Variants in NDUFA3 observed in about 807,000 individuals in gnomAD.
NDUFA3 encodes NADH:ubiquinone oxidoreductase subunit A3, also known as NADH dehydrogenase [ubiquinone] 1 alpha subcomplex subunit 3.
Under a neutral mutation model 11.4 loss-of-function variants are expected in NDUFA3, and 10 were observed. The ratio of observed to expected loss-of-function variants is 0.87; its 90% CI spans 0.54 to 1.48. The LOEUF (loss-of-function observed/expected upper bound fraction) is 1.48, where lower values mean the gene tolerates loss of function less well. Among genes scored for constraint, NDUFA3 ranks in the 40% most tolerant of loss-of-function variants. The pLI, the probability that NDUFA3 is intolerant of heterozygous loss-of-function variation, is 0.00. For missense variants in NDUFA3, 115 were observed against 110.5 expected, an observed-to-expected ratio of 1.04 and a Z score of -0.18; for synonymous variants, 39 against 46.9, an observed-to-expected ratio of 0.83 and a Z score of 0.68.
chr19:54,103,471 C>T (rs1437079720), intron 2 of NDUFA3, among the ~76,000 whole-genome samples: 1 of 152,162 alleles, frequency 6.6e-6, no homozygotes, highest in Admixed American at 6.5e-5. Flanking sequence ...TCCAGATCCT[C>T]CTCCTCCTTT....
At chr19:54,104,295 G>C (rs1276337461) in intron 2 of NDUFA3, among the ~76,000 whole-genome samples, 1 of 151,544 alleles carries the variant, frequency 6.6e-6, no homozygotes, top group East Asian at 1.9e-4. Context: ...GCACCACCAC[G>C]CCCGGCTAAT....
rs1259347654 is a variant in NDUFA3, at chr19:54,107,315, C to T, written c.*413C>T. On this transcript the variant is annotated 3_prime_UTR_variant, in exon 4 of 4. Coordinates refer to ENST00000485876, the MANE Select transcript of NDUFA3 (RefSeq NM_004542.4). Reference sequence around the variant, plus strand: ...CCAGGCTGGAGTGCAGTGGTGCCATCATAGTTCACTGCAGCCTCTGCCTCC... The same window carrying T: ...CCAGGCTGGAGTGCAGTGGTGCCATTATAGTTCACTGCAGCCTCTGCCTCC... 5.6e-6 allele frequency: 6 copies of T among 1,076,692 alleles called. No homozygotes were observed. The African/African-American group carries it at 9.5e-5, about 17-fold the overall frequency. The allele number at this position is 1,076,692 out of a possible 1,614,324, so 66.7% of individuals were successfully genotyped here. A position where few individuals can be genotyped will look rare whatever the true frequency, so the allele number is the denominator to read the frequency against.
In NDUFA3 at chr19:54,107,224, T is replaced by C. The variant is rs1256685358; in HGVS notation, c.*322T>C. On this transcript the variant is annotated 3_prime_UTR_variant, in exon 4 of 4. Coordinates refer to ENST00000485876, the MANE Select transcript of NDUFA3 (RefSeq NM_004542.4). Reference sequence around the variant, plus strand: ...AGGCCTGGGAATCTAGAAAATCCCATCAGCTTCACCATTTTTGTTTTCATT... The same window carrying C: ...AGGCCTGGGAATCTAGAAAATCCCACCAGCTTCACCATTTTTGTTTTCATT... The C allele has an allele frequency of 6.3e-6, 10 of 1,580,076 alleles. 1 individual carries two copies. In the South Asian group the frequency reaches 1.1e-4, roughly 18 times the overall value.
In NDUFA3 at chr19:54,107,378, AG is replaced by A; in HGVS notation, c.*477del. The A allele has an allele frequency of 1.6e-6, 1 of 627,530 alleles. No individual in the cohort carries two copies. Among genetic ancestry groups the A allele is most frequent in the Non-Finnish European group, 2.7e-6 (1 of 372,216 alleles). The allele number at this position is 627,530 out of a possible 1,614,324, so 38.9% of individuals were successfully genotyped here. ...ATCCTCCCACCTCAGCTTCCCAAGT[AG>A]CTGGGACTACAGGCACTTGCCAACC... On this transcript the variant is annotated 3_prime_UTR_variant, in exon 4 of 4. Coordinates refer to ENST00000485876, the MANE Select transcript of NDUFA3 (RefSeq NM_004542.4).
chr19:54,107,085 G>A lies in NDUFA3; in HGVS notation c.*183G>A. ...GCTGGGCTGGCCAGGGTCGGGTAGG[G>A]CAGCAGTTTGTCTGGACCCCGAGAA... On this transcript the variant is annotated 3_prime_UTR_variant, in exon 4 of 4. Coordinates refer to ENST00000485876, the MANE Select transcript of NDUFA3 (RefSeq NM_004542.4). 1.2e-6 allele frequency: 2 copies of A among 1,613,906 alleles called. No homozygotes were observed. Among genetic ancestry groups the A allele is most frequent in the East Asian group, 4.5e-5 (2 of 44,882 alleles).
chr19:54,107,047 G>T lies in NDUFA3; in HGVS notation c.*145G>T. 1 of 1,613,526 alleles carries T rather than the reference G, an allele frequency of 6.2e-7. No individual in the cohort carries two copies. Among genetic ancestry groups the T allele is most frequent in the Non-Finnish European group, 8.5e-7 (1 of 1,179,844 alleles). The stretch of plus-strand genomic sequence containing the variant: ...AGTGTGGGGTCAGTTTATTGGGCAT[G>T]CGTCAGTCAGAGGCTGGGCTGGCCA... On this transcript the variant is annotated 3_prime_UTR_variant, in exon 4 of 4. Transcript: ENST00000485876.
intron 3 of NDUFA3, chr19:54,106,603 G>T: frequency 2.0e-6 from 1 of 492,706 alleles, no homozygotes; most frequent in South Asian, 3.7e-5. Flanking sequence ...TCTCTAGTGC[G>T]CGGGATCTCT....
chr19:54,107,384 G>C lies in NDUFA3; in HGVS notation c.*482G>C. On this transcript the variant is annotated 3_prime_UTR_variant, in exon 4 of 4. Transcript: ENST00000485876. ...CCACCTCAGCTTCCCAAGTAGCTGG[G>C]ACTACAGGCACTTGCCAACCAAGCC... 1 of 606,648 alleles carries C rather than the reference G, an allele frequency of 1.6e-6. No individual in the cohort carries two copies. Among genetic ancestry groups the C allele is most frequent in the Non-Finnish European group, 2.8e-6 (1 of 355,270 alleles). The allele number at this position is 606,648 out of a possible 1,614,324, so 37.6% of individuals were successfully genotyped here. A position where few individuals can be genotyped will look rare whatever the true frequency, so the allele number is the denominator to read the frequency against.
chr19:54,107,265 A>G lies in NDUFA3; in HGVS notation c.*363A>G. 2 of 1,521,688 alleles carry G rather than the reference A, an allele frequency of 1.3e-6. No individual in the cohort carries two copies. The highest frequency in any genetic ancestry group is 1.8e-6 in the Non-Finnish European group (2 of 1,126,932). 94.3% of individuals were successfully genotyped at this position (1,521,688 alleles called of 1,614,324 possible). A position where few individuals can be genotyped will look rare whatever the true frequency, so the allele number is the denominator to read the frequency against. On this transcript the variant is annotated 3_prime_UTR_variant, in exon 4 of 4. Coordinates refer to ENST00000485876, the MANE Select transcript of NDUFA3 (RefSeq NM_004542.4). ...TGTTTTCATTTTGTTTTGCTTTTTA[A>G]AGAGACAGGGTCTCACTCTGTTGCC...
In NDUFA3 at chr19:54,107,345, C is replaced by T. The variant is rs2073299630; in HGVS notation, c.*443C>T. 3.8e-6 allele frequency: 3 copies of T among 787,368 alleles called. No individual in the cohort carries two copies. Among genetic ancestry groups the T allele is most frequent in the East Asian group, 5.3e-5 (2 of 37,712 alleles). The allele number at this position is 787,368 out of a possible 1,614,324, so 48.8% of individuals were successfully genotyped here. A position where few individuals can be genotyped will look rare whatever the true frequency, so the allele number is the denominator to read the frequency against. Reference sequence around the variant, plus strand: ...TTCACTGCAGCCTCTGCCTCCCAGGCTCAAGTGATCCTCCCACCTCAGCTT... The same window carrying T: ...TTCACTGCAGCCTCTGCCTCCCAGGTTCAAGTGATCCTCCCACCTCAGCTT... On this transcript the variant is annotated 3_prime_UTR_variant, in exon 4 of 4. Transcript: ENST00000485876.
chr19:54,105,264 CT>C (rs796770972), intron 2 of NDUFA3, among the ~76,000 whole-genome samples: 1,869 of 71,040 alleles, frequency 0.026, 47 homozygotes, highest in East Asian at 0.22. Context: ...GTTTGTAAGG[CT>C]TTTTTTTTTT....
chr19:54,103,982 C>T (rs113235988), intron 2 of NDUFA3, among the ~76,000 whole-genome samples: 14 of 152,092 alleles, frequency 9.2e-5, no homozygotes, highest in Admixed American at 2.6e-4. Flanking sequence ...TACAGGCGCC[C>T]GCCCCCATGC....
rs751696654 is a variant in NDUFA3, at chr19:54,105,937, T to A, written c.89T>A (p.Val30Glu). ...TCACCCCTGTGTCTCTCCACAGCTG[T>A]AATTCTGCCCCCATTGAGCCCCTAC... ...VVSFVVGGLA[V>E]ILPPLSPYFK... Residue 30 changes from valine (V) to glutamate (E), a missense_variant, in exon 3 of 4, where the codon GTA becomes GAA. Coordinates refer to ENST00000485876, the MANE Select transcript of NDUFA3 (RefSeq NM_004542.4). The A allele has an allele frequency of 1.2e-6, 2 of 1,612,618 alleles. No homozygotes were observed. Among genetic ancestry groups the A allele is most frequent in the South Asian group, 2.2e-5 (2 of 91,042 alleles).
At chr19:54,105,717 T>C (rs907812310) in intron 2 of NDUFA3, 2 of 681,502 alleles carry the variant, frequency 2.9e-6, no homozygotes, top group Non-Finnish European at 5.4e-6. Flanking sequence ...AGTGTTAGGC[T>C]CCAACCCCTA....
intron 3 of NDUFA3, 35 bp from the exon 4 acceptor site, chr19:54,106,776 G>C: frequency 6.4e-7 from 1 of 1,561,292 alleles, no homozygotes; most frequent in Non-Finnish European, 8.7e-7. Flanking sequence ...CCCTGGAGAC[G>C]TGCTGGTCTC....
intron 3 of NDUFA3, 171 bp downstream of exon 3, chr19:54,106,182 G>A (rs1310573844): frequency 1.5e-6 from 1 of 650,728 alleles, no homozygotes; most frequent in Non-Finnish European, 2.6e-6. Context: ...ACTATTCTGT[G>A]TTTGTGCTTC....
chr19:54,104,409 G>A (rs1053978169), intron 2 of NDUFA3, among the ~76,000 whole-genome samples: 6 of 152,112 alleles, frequency 3.9e-5, no homozygotes, highest in Non-Finnish European at 2.9e-5. Context: ...GATTACAGGG[G>A]TGAGCCACTG....
Position 54,106,959 on chromosome 19 carries a change from C to T in NDUFA3, c.*57C>T. 1 of 1,600,418 alleles carries T rather than the reference C, an allele frequency of 6.2e-7. No individual in the cohort carries two copies. Among genetic ancestry groups the T allele is most frequent in the Non-Finnish European group, 8.5e-7 (1 of 1,172,236 alleles). On this transcript the variant is annotated 3_prime_UTR_variant, in exon 4 of 4. Transcript: ENST00000485876. Reference sequence around the variant, plus strand: ...CGGCTCCCAATAAAAATGTGAAAACCAACCCCCGAACGTGAGCATGTGTGT... The same window carrying T: ...CGGCTCCCAATAAAAATGTGAAAACTAACCCCCGAACGTGAGCATGTGTGT...
chr19:54,106,170 ATAC>A (rs1212837587), intron 3 of NDUFA3, 159 bp downstream of exon 3: 4 of 676,456 alleles, frequency 5.9e-6, no homozygotes, highest in Non-Finnish European at 1.0e-5. Flanking sequence ...TATAATTCGT[ATAC>A]TATTCTGTGT....
Sources: gnomAD v4.1 joint callset for allele counts (sites outside exome capture counted in the v4.1 genomes callset) on GRCh38, gnomAD v4.1.1 for gene constraint, MANE v1.5 for transcripts, NCBI Gene and HGNC (gene_info 2026-07-23, HGNC 2026-07-21) for gene names.